MECOM: variants seen among roughly 807,000 people sequenced by gnomAD.
MECOM encodes histone-lysine N-methyltransferase MECOM.
A neutral mutation model predicts 116.3 loss-of-function variants in MECOM; 13 were observed. The ratio of observed to expected loss-of-function variants is 0.11; its 90% CI spans 0.07 to 0.18. MECOM has a LOEUF of 0.18. Among genes scored for constraint, MECOM ranks in the 10% least tolerant of loss-of-function variants. The pLI, the probability that MECOM is intolerant of heterozygous loss-of-function variation, is 1.00. For missense variants in MECOM, 1,299 were observed against 1,509.0 expected, an observed-to-expected ratio of 0.86 and a Z score of 2.31; for synonymous variants, 528 against 535.2, an observed-to-expected ratio of 0.99 and a Z score of 0.19.
intron 2 of MECOM, among the ~76,000 whole-genome samples, chr3:169,230,194 C>T (rs191021179): frequency 1.5e-4 from 23 of 152,166 alleles, no homozygotes; most frequent in Admixed American, 1.1e-3. Flanking sequence ...AACTTTGAGA[C>T]CTCTGTCTAC....
intron 2 of MECOM, among the ~76,000 whole-genome samples, chr3:169,321,003 T>G (rs185660857): frequency 3.4e-4 from 52 of 152,144 alleles, no homozygotes; most frequent in African/African-American, 1.2e-3. Flanking sequence ...TAACCCAGGG[T>G]CTCCATGAGG....
At chr3:169,211,471 G>A (rs1750721900) in intron 2 of MECOM, among the ~76,000 whole-genome samples, 1 of 152,106 alleles carries the variant, frequency 6.6e-6, no homozygotes, top group African/African-American at 2.4e-5. Context: ...CTGTGGTCTT[G>A]TCAAATTGAC....
intron 12 of MECOM, among the ~76,000 whole-genome samples, chr3:169,097,778 A>C (rs1163666442): frequency 1.4e-5 from 2 of 146,348 alleles, no homozygotes; most frequent in Non-Finnish European, 3.0e-5. Context: ...CAGGAGTTCA[A>C]AACCAGCCTG....
At position 169,663,322 on chromosome 3, in the gene MECOM, G is replaced by A. The variant is rs1299767711; in HGVS notation, c.37+14C>T. 6.2e-7 allele frequency: 1 copy of A among 1,606,728 alleles called. No homozygotes were observed. The highest frequency in any genetic ancestry group is 1.3e-5 in the African/African-American group (1 of 74,816). ...GAGGGGGAAAAGCCAATAGAAAAGG[G>A]ATATTGCACCTACTTGTGGCCAGTT... On this transcript the variant is annotated intron_variant, in intron 1 of 16. Transcript: ENST00000651503.
At chr3:169,584,760 T>C (rs1765585964) in intron 1 of MECOM, among the ~76,000 whole-genome samples, 1 of 152,176 alleles carries the variant, frequency 6.6e-6, no homozygotes, top group Non-Finnish European at 1.5e-5. Context: ...TGAGAAATCA[T>C]CCTTTCTCTG....
chr3:169,650,699 CA>C (rs1184524775), intron 1 of MECOM, among the ~76,000 whole-genome samples: 3 of 151,954 alleles, frequency 2.0e-5, no homozygotes, highest in Non-Finnish European at 4.4e-5. Context: ...ATGACCTTCC[CA>C]AAACCCTGCT....
chr3:169,649,430 T>A (rs73176413), intron 1 of MECOM, among the ~76,000 whole-genome samples: 7,494 of 73,060 alleles, frequency 0.1, 208 homozygotes, highest in African/African-American at 0.13. Flanking sequence ...AAAAAAAAAA[T>A]AGGAAAACAA....
At chr3:169,108,123 T>C (rs4955639) in intron 9 of MECOM, among the ~76,000 whole-genome samples, 171 bp from the exon 10 acceptor site, 95,935 of 151,990 alleles carry the variant, frequency 0.63, 30,457 homozygotes, top group Admixed American at 0.68. Context: ...GTTATAACTC[T>C]GTTGAATTTC....
Position 169,107,184 on chromosome 3 carries a change from G to A in MECOM, c.2604+742C>T, listed in dbSNP as rs368344843. Among the ~76,000 whole-genome samples, 25 of 152,184 alleles carry A rather than the reference G, an allele frequency of 1.6e-4. No individual in the cohort carries two copies. In the East Asian group the frequency reaches 3.1e-3, roughly 19 times the overall value. ...TCAGCATAATTTTCAGTGAAAAAGA[G>A]AAACAAAAACACATATACTTAGAGA... On this transcript the variant is annotated intron_variant, in intron 10 of 16. Transcript: ENST00000651503.
At chr3:169,414,558 T>C (rs1738192777) in intron 1 of MECOM, among the ~76,000 whole-genome samples, 1 of 152,066 alleles carries the variant, frequency 6.6e-6, no homozygotes, top group Admixed American at 6.6e-5. Context: ...AGAAGTAGGC[T>C]TCAGAAGGTG....
chr3:169,277,507 A>G (rs934408499), intron 2 of MECOM, among the ~76,000 whole-genome samples: 1 of 152,192 alleles, frequency 6.6e-6, no homozygotes, highest in Non-Finnish European at 1.5e-5. Flanking sequence ...AAAGGGAACC[A>G]AAGATGAATT....
intron 1 of MECOM, among the ~76,000 whole-genome samples, chr3:169,650,765 A>G (rs1453400488): frequency 6.6e-6 from 1 of 151,856 alleles, no homozygotes; most frequent in African/African-American, 2.4e-5. Context: ...GCTTCCTTTA[A>G]TTGCAGACTT....
chr3:169,144,937 A>G, intron 2 of MECOM: 1 of 1,395,174 alleles, frequency 7.2e-7, no homozygotes, highest in Admixed American at 2.0e-5. Flanking sequence ...CTGAGACCAA[A>G]AGCAATTTTG....
At chr3:169,653,028 G>A (rs1453407068) in intron 1 of MECOM, among the ~76,000 whole-genome samples, 2 of 152,064 alleles carry the variant, frequency 1.3e-5, no homozygotes, top group Admixed American at 1.3e-4. Context: ...TTAAGTGAGG[G>A]GTCATGGGCA....
chr3:169,280,053 G>A (rs1177055623), intron 2 of MECOM, among the ~76,000 whole-genome samples: 1 of 152,042 alleles, frequency 6.6e-6, no homozygotes, highest in East Asian at 1.9e-4. Context: ...AATACAAATG[G>A]GCCAGCTAAC....
intron 2 of MECOM, among the ~76,000 whole-genome samples, chr3:169,327,103 A>G (rs1721961038): frequency 6.6e-6 from 1 of 152,222 alleles, no homozygotes; most frequent in African/African-American, 2.4e-5. Context: ...CTATAGGGTC[A>G]GATGCAAAAG....
At chr3:169,099,464 G>C (rs1722842641) in intron 12 of MECOM, among the ~76,000 whole-genome samples, 1 of 152,036 alleles carries the variant, frequency 6.6e-6, no homozygotes, top group South Asian at 2.1e-4. Flanking sequence ...TGTATAAATT[G>C]GAAATATATC....
chr3:169,185,845 T>C (rs1304916748), intron 2 of MECOM, among the ~76,000 whole-genome samples: 1 of 152,242 alleles, frequency 6.6e-6, no homozygotes, highest in African/African-American at 2.4e-5. Context: ...GTCTTTTCTC[T>C]CATTCTTCTC....
At chr3:169,418,017 T>G (rs570681592) in intron 1 of MECOM, among the ~76,000 whole-genome samples, 228 of 150,256 alleles carry the variant, frequency 1.5e-3, no homozygotes, top group Non-Finnish European at 2.9e-3. Context: ...AAATGACGAG[T>G]TAATGTGTGC....
Sources: allele counts gnomAD v4.1 joint callset (sites outside exome capture counted in the v4.1 genomes callset), GRCh38; gene constraint gnomAD v4.1.1; transcripts MANE v1.5; gene names NCBI Gene and HGNC (gene_info 2026-07-23, HGNC 2026-07-21).